LHX3: variants seen among roughly 807,000 people sequenced by gnomAD.
LHX3 encodes LIM/homeobox protein Lhx3.
Under a neutral mutation model 32.4 loss-of-function variants are expected in LHX3, and 21 were observed. The ratio of observed to expected loss-of-function variants is 0.65; its 90% CI spans 0.46 to 0.93. LHX3 has a LOEUF of 0.93. LHX3 is among the 40% of genes least tolerant of loss of function. The pLI is 0.00. For synonymous variants in LHX3, 258 were observed against 246.8 expected (o/e 1.05, Z -0.43); for missense variants, 626 against 560.0 (o/e 1.12, Z -1.19).
rs1247663399 is a variant in LHX3, at chr9:136,196,452, T to C, written c.*873A>G. ...CTCCCAGAAACTTCTTCCCAAAGGA[T>C]CTGATGGAGGAGGCAGGGCAGGCTC... On this transcript the variant is annotated 3_prime_UTR_variant, in exon 6 of 6. Transcript: ENST00000371748. The C allele has an allele frequency of 6.6e-6, 1 of 152,578 alleles. No homozygotes were observed. Among genetic ancestry groups the C allele is most frequent in the Non-Finnish European group, 1.5e-5 (1 of 68,066 alleles). 9.5% of individuals were successfully genotyped at this position (152,578 alleles called of 1,614,324 possible).
At chr9:136,201,495 C>T (rs1015090470) in intron 1 of LHX3, 2 of 1,192,086 alleles carry the variant, frequency 1.7e-6, no homozygotes, top group Non-Finnish European at 2.1e-6. Context: ...TCCAAGGGTG[C>T]CCTGTGGGAG....
chr9:136,204,966 GC>G lies in LHX3; in HGVS notation c.46del (p.Ala16ProfsTer157). On this transcript the variant is annotated frameshift_variant, in exon 1 of 6. Transcript: ENST00000371748. LOFTEE classifies it high-confidence loss of function. ...CCCGCCCAAGGTGCAGACGGCGGCG[GC>G]CCCGGGCCTCGCTCGGTCGCGCTCG... ...GLERDRARPG[A>X]AAVCTLGGTR... 2 of 1,598,826 alleles carry G rather than the reference GC, an allele frequency of 1.3e-6. No individual in the cohort carries two copies. The highest frequency in any genetic ancestry group is 8.5e-7 in the Non-Finnish European group (1 of 1,175,702).
rs771392788 is a variant in LHX3 at position 136,197,293 on chromosome 9, C to T, written c.*32G>A. On this transcript the variant is annotated 3_prime_UTR_variant, in exon 6 of 6. Coordinates refer to ENST00000371748, the MANE Select transcript of LHX3 (RefSeq NM_178138.6). ...GCCGCCCACCCAGGGGCAGCTCCCT[C>T]GTGTGAGGTGCAGGGTGGAGCCGGG... 3.1e-6 allele frequency: 5 copies of T among 1,609,644 alleles called. No homozygotes were observed. The highest frequency in any genetic ancestry group is 1.1e-5 in the South Asian group (1 of 90,856).
chr9:136,200,561 AG>A lies in LHX3; in HGVS notation c.251+20del. The A allele has an allele frequency of 6.2e-7, 1 of 1,612,418 alleles. No individual in the cohort carries two copies. ...AGGCGTGCCCTCCGCTCCCACACTG[AG>A]GTGAGGTTTCGGGGCTCACTTGAAA... On this transcript the variant is annotated intron_variant, in intron 2 of 5. Transcript: ENST00000371748.
intron 1 of LHX3, chr9:136,202,812 G>T: frequency 9.6e-7 from 1 of 1,036,572 alleles, no homozygotes; most frequent in Non-Finnish European, 1.4e-6. Context: ...AGGCGCCCAG[G>T]CGCGGACGTT....
chr9:136,201,205 C>T (rs1417897413), intron 1 of LHX3: 4 of 1,331,808 alleles, frequency 3.0e-6, no homozygotes, highest in Non-Finnish European at 3.8e-6. Context: ...TCATGTTAAG[C>T]GTCATGGCCA....
At position 136,197,871 on chromosome 9, in the gene LHX3, T is replaced by G. The variant is rs7850466; in HGVS notation, c.776-128A>C. ...CTGCCCCACACCACATGACAGGTCA[T>G]AACAGGCCCCTTCTACTGTTGGAGC... On this transcript the variant is annotated intron_variant, in intron 5 of 5. Coordinates refer to ENST00000371748, the MANE Select transcript of LHX3 (RefSeq NM_178138.6). 0.54 allele frequency: 538,485 copies of G among 988,954 alleles called. 148,520 individuals carry two copies. Among genetic ancestry groups the G allele is most frequent in the African/African-American group, 0.59 (36,480 of 62,292 alleles). The allele number at this position is 988,954 out of a possible 1,614,324, so 61.3% of individuals were successfully genotyped here. A position where few individuals can be genotyped will look rare whatever the true frequency, so the allele number is the denominator to read the frequency against.
chr9:136,203,168 C>T lies in LHX3; in HGVS notation c.79+1766G>A, dbSNP rs888870673. On this transcript the variant is annotated intron_variant, in intron 1 of 5. Transcript: ENST00000371748. ...GCTGCTGGGCGCTGCGCCCGCGGGCCGCCCTGGGGCCCGGAGCCTCTGGCC... is the reference window on the plus strand; with the variant it reads ...GCTGCTGGGCGCTGCGCCCGCGGGCTGCCCTGGGGCCCGGAGCCTCTGGCC... 22 of 1,280,330 alleles carry T rather than the reference C, an allele frequency of 1.7e-5. No homozygotes were observed. The African/African-American group carries it at 3.3e-4, about 19-fold the overall frequency. 79.3% of individuals were successfully genotyped at this position (1,280,330 alleles called of 1,614,324 possible). A position where few individuals can be genotyped will look rare whatever the true frequency, so the allele number is the denominator to read the frequency against.
intron 1 of LHX3, chr9:136,201,606 G>A: frequency 9.9e-7 from 1 of 1,010,806 alleles, no homozygotes; most frequent in East Asian, 9.4e-5. Context: ...TGAAGGGACC[G>A]GGATTTACTG....
Position 136,197,322 on chromosome 9 carries a change from G to C in LHX3, c.*3C>G. ...TGAGGTGCAGGGTGGAGCCGGGCCT[G>C]GGTCAGAACTGAGCGTGGTCTACCT... On this transcript the variant is annotated 3_prime_UTR_variant, in exon 6 of 6. Coordinates refer to ENST00000371748, the MANE Select transcript of LHX3 (RefSeq NM_178138.6). The C allele has an allele frequency of 1.2e-6, 2 of 1,611,648 alleles. No homozygotes were observed. Among genetic ancestry groups the C allele is most frequent in the Non-Finnish European group, 1.7e-6 (2 of 1,179,848 alleles).
intron 1 of LHX3, chr9:136,201,364 T>G: frequency 8.1e-7 from 1 of 1,239,982 alleles, no homozygotes; most frequent in Non-Finnish European, 1.0e-6. Flanking sequence ...ACTGCCTTTG[T>G]GTCAGGCGTG....
At chr9:136,199,974 C>T in intron 2 of LHX3, 94 bp from the exon 3 acceptor site, 3 of 1,341,022 alleles carry the variant, frequency 2.2e-6, no homozygotes, top group Non-Finnish European at 3.1e-6. Flanking sequence ...CCTGGGAAGG[C>T]GGCCCCGGAG....
intron 2 of LHX3, 51 bp from the exon 3 acceptor site, chr9:136,199,931 G>T: frequency 2.0e-6 from 3 of 1,529,036 alleles, no homozygotes; most frequent in Non-Finnish European, 2.6e-6. Flanking sequence ...GGCTCATTTC[G>T]CCCCGAGCGG....
intron 5 of LHX3, 89 bp downstream of exon 5, chr9:136,198,563 G>A (rs1018731987): frequency 1.4e-6 from 2 of 1,415,638 alleles, no homozygotes; most frequent in Non-Finnish European, 1.9e-6. Flanking sequence ...AACTCCATGG[G>A]AAATTCAGAT....
In LHX3 at chr9:136,204,547, G is replaced by A. The variant is rs547741378; in HGVS notation, c.79+387C>T. 3.9e-5 allele frequency among the ~76,000 whole-genome samples: 6 copies of A among 152,292 alleles called. No individual in the cohort carries two copies. In the South Asian group the frequency reaches 1.0e-3, roughly 26 times the overall value. ...TGATGGAATGGCCCTTGGGGAGGGT[G>A]GTTCAGGCGGGAGACACAGGCTTGG... is the stretch of plus-strand genomic sequence containing the variant. On this transcript the variant is annotated intron_variant, in intron 1 of 5. Transcript: ENST00000371748.
At position 136,197,597 on chromosome 9, in the gene LHX3, C is replaced by T; in HGVS notation, c.922G>A (p.Glu308Lys). The T allele has an allele frequency of 6.5e-7, 1 of 1,547,154 alleles. No individual in the cohort carries two copies. Among genetic ancestry groups the T allele is most frequent in the Non-Finnish European group, 8.7e-7 (1 of 1,145,354 alleles). Residue 308 changes from glutamate (E) to lysine (K), a missense_variant, in exon 6 of 6, where the codon GAG becomes AAG. Physicochemically the swap from Glu to Lys is moderately conservative, Grantham distance 56. Transcript: ENST00000371748. Reference sequence around the variant, plus strand: ...CCGTAGGGGCTGCCGGGACGCAGCTCTCGGTACTGCTCTGGGCCTGCCAGG... The same window carrying T: ...CCGTAGGGGCTGCCGGGACGCAGCTTTCGGTACTGCTCTGGGCCTGCCAGG... The part of the protein sequence containing the change: ...GGLAGPEQYR[E>K]LRPGSPYGVP...
In LHX3 at chr9:136,199,810, C is replaced by T. The variant is rs1831594044; in HGVS notation, c.322G>A (p.Asp108Asn). 1.9e-6 allele frequency: 3 copies of T among 1,611,926 alleles called. No homozygotes were observed. The highest frequency in any genetic ancestry group is 2.5e-6 in the Non-Finnish European group (3 of 1,179,512). ...AAGCAGTGCAGGTGGTACACGAAGTCCTGGGCGCGGCGCACCACCTGCGTG... is the reference window on the plus strand; with the variant it reads ...AAGCAGTGCAGGTGGTACACGAAGTTCTGGGCGCGGCGCACCACCTGCGTG... ...PPTQVVRRAQDFVYHLHCFAC... is the reference protein window; with the variant it reads ...PPTQVVRRAQNFVYHLHCFAC... Residue 108 changes from aspartate to asparagine, a missense_variant, in exon 3 of 6, where the codon GAC (aspartate) becomes AAC (asparagine). Coordinates refer to ENST00000371748, the MANE Select transcript of LHX3 (RefSeq NM_178138.6).
At chr9:136,204,208 C>A (rs1452746833) in intron 1 of LHX3, among the ~76,000 whole-genome samples, 1 of 152,220 alleles carries the variant, frequency 6.6e-6, no homozygotes, top group South Asian at 2.1e-4. Context: ...AAACCACAGT[C>A]CCTCCCTCCT....
Position 136,199,874 on chromosome 9 carries a change from G to A in LHX3, c.258C>T (p.Phe86=). The change falls in exon 3 of 6, where the codon TTC becomes TTT. Residue 86 remains phenylalanine (F), a synonymous_variant. Transcript: ENST00000371748. ...GCTGGCACGCGGCGCACTTGGTCCC[G>A]AAGCGCCTGCGGGACGCACAGGGCC... ...VYCKDDFFKR[F]GTKCAACQLG... is the part of the protein sequence containing the mutation. The A allele has an allele frequency of 1.3e-6, 2 of 1,590,250 alleles. No homozygotes were observed. The highest frequency in any genetic ancestry group is 2.3e-5 in the East Asian group (1 of 43,286).
Sources: gnomAD v4.1 joint callset for allele counts (sites outside exome capture counted in the v4.1 genomes callset) on GRCh38, gnomAD v4.1.1 for gene constraint, MANE v1.5 for transcripts, NCBI Gene and HGNC (gene_info 2026-07-23, HGNC 2026-07-21) for gene names.